The following PDE1B variants were observed in gnomAD, a reference collection of about 807,000 sequenced individuals.
The protein encoded by PDE1B is dual specificity calcium/calmodulin-dependent 3',5'-cyclic nucleotide phosphodiesterase 1B.
PDE1B carries 13 observed loss-of-function variants against 66.7 expected under a neutral mutation model. That is an observed-to-expected ratio of 0.19 (90% confidence interval 0.13 to 0.31). The LOEUF (loss-of-function observed/expected upper bound fraction) is 0.31. Ranked by LOEUF, PDE1B falls within the 10% of genes least tolerant of loss-of-function variation. The pLI is 1.00. For synonymous variants in PDE1B, 230 were observed against 253.9 expected, an observed-to-expected ratio of 0.91 and a Z score of 0.90; for missense variants, 485 against 682.3, an observed-to-expected ratio of 0.71 and a Z score of 3.22.
chr12:54,569,624 GT>G lies in PDE1B; in HGVS notation c.477+17del. On this transcript the variant is annotated intron_variant, in intron 5 of 15. Coordinates refer to ENST00000243052, the MANE Select transcript of PDE1B (RefSeq NM_000924.4). The surrounding 1 kb of genome is among the most constrained non-coding windows in gnomAD (Gnocchi z 4.4). ...TCAACTGTCTCAAGGTAATCTCTGG[GT>G]TTTTGGGAAAGAGGAGAAAGTTAGG... The G allele has an allele frequency of 1.9e-6, 3 of 1,602,448 alleles. No individual in the cohort carries two copies. Among genetic ancestry groups the G allele is most frequent in the Non-Finnish European group, 2.6e-6 (3 of 1,169,476 alleles).
intron 2 of PDE1B, 53 bp downstream of exon 2, chr12:54,550,038 G>C (rs940735392): frequency 1.0e-5 from 16 of 1,586,558 alleles, no homozygotes; most frequent in Non-Finnish European, 1.4e-5. Flanking sequence ...GCCTGAGCGG[G>C]AGGAGGAGGG....
In PDE1B at chr12:54,549,783, C is replaced by A. The variant is rs976352286; in HGVS notation, c.-14+11C>A. Reference sequence around the variant, plus strand: ...CCACGCCAGCCGCAGGTGGGAAGGGCCTGGGATGGGGGGTGAGGGTCTCTC... The same window carrying A: ...CCACGCCAGCCGCAGGTGGGAAGGGACTGGGATGGGGGGTGAGGGTCTCTC... On this transcript the variant is annotated intron_variant, in intron 1 of 15. Coordinates refer to ENST00000243052, the MANE Select transcript of PDE1B (RefSeq NM_000924.4). 9.8e-7 allele frequency: 1 copy of A among 1,022,146 alleles called. No homozygotes were observed. Among genetic ancestry groups the A allele is most frequent in the Admixed American group, 1.9e-5 (1 of 53,178 alleles). The allele number at this position is 1,022,146 out of a possible 1,614,324, so 63.3% of individuals were successfully genotyped here. A position where few individuals can be genotyped will look rare whatever the true frequency, so the allele number is the denominator to read the frequency against.
chr12:54,573,565 A>T lies in PDE1B; in HGVS notation c.963-43A>T. The T allele has an allele frequency of 1.2e-6, 2 of 1,610,162 alleles. No homozygotes were observed. Among genetic ancestry groups the T allele is most frequent in the African/African-American group, 2.7e-5 (2 of 74,970 alleles). On this transcript the variant is annotated intron_variant, in intron 9 of 15. Coordinates refer to ENST00000243052, the MANE Select transcript of PDE1B (RefSeq NM_000924.4). This position sits in a 1 kb window ranked among gnomAD's most constrained non-coding sequence, Gnocchi z 5.2. ...CCACTTCCTGGACCTCCTGCCCAGC[A>T]GCGCTGAGGGGACTGATTGCTTCTC...
chr12:54,568,898 A>G (rs1274986869), intron 3 of PDE1B, among the ~76,000 whole-genome samples: 3 of 152,098 alleles, frequency 2.0e-5, no homozygotes, highest in African/African-American at 7.2e-5. Context: ...CTTGCATTTT[A>G]TTTCTATTGG....
chr12:54,552,853 C>A (rs921107707), intron 2 of PDE1B, among the ~76,000 whole-genome samples: 1 of 152,226 alleles, frequency 6.6e-6, no homozygotes, highest in Non-Finnish European at 1.5e-5. Flanking sequence ...TTTGACTTGG[C>A]TGTCCACCCT....
intron 3 of PDE1B, among the ~76,000 whole-genome samples, chr12:54,568,850 C>T (rs908648989): frequency 3.3e-5 from 5 of 152,132 alleles, no homozygotes; most frequent in African/African-American, 7.2e-5. Context: ...TCCTTTTTAA[C>T]GTGGCCTACT....
rs1180593660 is a variant in PDE1B, at chr12:54,567,862, A to ATT, written c.227+781_227+782dup. ...AAGATATTCATATATATATATATAT[A>ATT]TTTTTTTGTTTTGAGACAGAGTTTA... On this transcript the variant is annotated intron_variant, in intron 3 of 15. Coordinates refer to ENST00000243052, the MANE Select transcript of PDE1B (RefSeq NM_000924.4). Among the ~76,000 whole-genome samples the ATT allele has an allele frequency of 1.2e-3, 181 of 150,960 alleles. No individual in the cohort carries two copies. The East Asian group carries it at 0.018, about 15-fold the overall frequency.
rs558729532 is a variant in PDE1B, at chr12:54,566,099, G to A, written c.114-875G>A. ...TGTTTGCTTTGTGACTGCCTGGGCTGAACTCACCAGGCTTCTAAGAAGTCT... is the reference window on the plus strand; with the variant it reads ...TGTTTGCTTTGTGACTGCCTGGGCTAAACTCACCAGGCTTCTAAGAAGTCT... On this transcript the variant is annotated intron_variant, in intron 2 of 15. Transcript: ENST00000243052. Among the ~76,000 whole-genome samples the A allele has an allele frequency of 7.9e-5, 12 of 152,310 alleles. No homozygotes were observed. In the South Asian group the frequency reaches 2.5e-3, roughly 32 times the overall value.
Position 54,578,066 on chromosome 12 carries a change from C to A in PDE1B, c.*224C>A, listed in dbSNP as rs1454216285. On this transcript the variant is annotated 3_prime_UTR_variant, in exon 16 of 16. Coordinates refer to ENST00000243052, the MANE Select transcript of PDE1B (RefSeq NM_000924.4). ...TTCCGGCAGCAAGACTGGGGAACTT[C>A]AGGCTCCCAGTGGTCACTGTGCCCA... 1 of 152,350 alleles carries A rather than the reference C, an allele frequency of 6.6e-6. No individual in the cohort carries two copies. The highest frequency in any genetic ancestry group is 1.5e-5 in the Non-Finnish European group (1 of 68,130). 9.4% of individuals were successfully genotyped at this position (152,350 alleles called of 1,614,324 possible). A position where few individuals can be genotyped will look rare whatever the true frequency, so the allele number is the denominator to read the frequency against.
intron 2 of PDE1B, among the ~76,000 whole-genome samples, chr12:54,556,157 A>G (rs906897264): frequency 1.3e-5 from 2 of 152,080 alleles, no homozygotes; most frequent in African/African-American, 2.4e-5. Flanking sequence ...TTGAGTAGCT[A>G]TTTTCCAACT....
At chr12:54,556,238 G>A (rs978616933) in intron 2 of PDE1B, among the ~76,000 whole-genome samples, 4 of 152,174 alleles carry the variant, frequency 2.6e-5, no homozygotes, top group African/African-American at 7.2e-5. Context: ...GAGACAACTG[G>A]GGAGACTGGA....
chr12:54,570,193 A>G, intron 5 of PDE1B, 48 bp from the exon 6 acceptor site: 1 of 1,147,030 alleles, frequency 8.7e-7, no homozygotes, highest in Non-Finnish European at 1.3e-6. Context: ...GTCTAACTTC[A>G]ACCCTTGCTG....
At chr12:54,558,104 T>A (rs1198215719) in intron 2 of PDE1B, among the ~76,000 whole-genome samples, 1 of 152,160 alleles carries the variant, frequency 6.6e-6, no homozygotes, top group Non-Finnish European at 1.5e-5. Context: ...GGAACACCTG[T>A]TAGAAACGGC....
In PDE1B at chr12:54,575,654, AAGGG is replaced by A; in HGVS notation, c.1267+23_1267+26del. ...ATAGGTGAGTGTCCTCTCCTGCAGG[AAGGG>A]GAGGACTGGGAGGGGGAAAAGATGC... On this transcript the variant is annotated intron_variant, in intron 12 of 15. Transcript: ENST00000243052. The surrounding 1 kb of genome is among the most constrained non-coding windows in gnomAD (Gnocchi z 4.0). 8 of 1,527,802 alleles carry A rather than the reference AAGGG, an allele frequency of 5.2e-6. No individual in the cohort carries two copies. The highest frequency in any genetic ancestry group is 1.7e-4 in the Middle Eastern group (1 of 5,900). The allele number at this position is 1,527,802 out of a possible 1,614,324, so 94.6% of individuals were successfully genotyped here. A position where few individuals can be genotyped will look rare whatever the true frequency, so the allele number is the denominator to read the frequency against.
At position 54,575,681 on chromosome 12, in the gene PDE1B, T is replaced by C. The variant is rs1250567435; in HGVS notation, c.1267+49T>C. 7.6e-7 allele frequency: 1 copy of C among 1,308,358 alleles called. No homozygotes were observed. Among genetic ancestry groups the C allele is most frequent in the African/African-American group, 1.4e-5 (1 of 69,102 alleles). The allele number at this position is 1,308,358 out of a possible 1,614,324, so 81.0% of individuals were successfully genotyped here. A position where few individuals can be genotyped will look rare whatever the true frequency, so the allele number is the denominator to read the frequency against. ...GGGGAGGACTGGGAGGGGGAAAAGA[T>C]GCTGCCTGGGTCAGGATTGCTCCAA... On this transcript the variant is annotated intron_variant, in intron 12 of 15. Coordinates refer to ENST00000243052, the MANE Select transcript of PDE1B (RefSeq NM_000924.4). The surrounding 1 kb of genome is among the most constrained non-coding windows in gnomAD (Gnocchi z 4.0).
At chr12:54,572,555 T>G (rs978917550) in intron 6 of PDE1B, 46 bp from the exon 7 acceptor site, 8 of 1,569,142 alleles carry the variant, frequency 5.1e-6, no homozygotes, top group Non-Finnish European at 7.0e-6. Context: ...TCACCACCAT[T>G]CCTGTGGATC....
At chr12:54,565,647 C>T (rs1279969534) in intron 2 of PDE1B, among the ~76,000 whole-genome samples, 4 of 152,180 alleles carry the variant, frequency 2.6e-5, no homozygotes, top group East Asian at 3.9e-4. Flanking sequence ...GCTGCAGTGC[C>T]GTCCTCCAAC....
Position 54,569,241 on chromosome 12 carries a change from G to A in PDE1B, c.285G>A (p.Ser95=). The A allele has an allele frequency of 3.7e-6, 6 of 1,613,638 alleles. No individual in the cohort carries two copies. The East Asian group carries it at 6.7e-5, about 18-fold the overall frequency. The stretch of plus-strand genomic sequence containing the variant: ...AGCTGCGGTCAGATGCCGTGCCTTC[G>A]GAGGTGCGGGACTGGCTGGCCTCCA... The part of the protein sequence containing the change: ...LQELRSDAVP[S]EVRDWLASTF... Residue 95 remains serine, a synonymous_variant, in exon 4 of 16, where the codon TCG becomes TCA. Coordinates refer to ENST00000243052, the MANE Select transcript of PDE1B (RefSeq NM_000924.4). This position sits in a 1 kb window ranked among gnomAD's most constrained non-coding sequence, Gnocchi z 4.4.
chr12:54,574,580 C>T (rs2121156390), intron 10 of PDE1B: 2 of 152,460 alleles, frequency 1.3e-5, no homozygotes, highest in Middle Eastern at 6.8e-3. Flanking sequence ...ATTCTAAGAG[C>T]CTGGGCTCTC....
Sources: allele counts gnomAD v4.1 joint callset (sites outside exome capture counted in the v4.1 genomes callset), GRCh38; gene constraint gnomAD v4.1.1; non-coding constraint Gnocchi (gnomAD v3.1); transcripts MANE v1.5; gene names NCBI Gene and HGNC (gene_info 2026-07-23, HGNC 2026-07-21).